The following SGIP1 variants were observed in gnomAD, a reference collection of about 807,000 sequenced individuals.
SGIP1 encodes the protein SH3GL interacting endocytic adaptor 1.
Under a neutral mutation model 107.5 loss-of-function variants are expected in SGIP1, and 38 were observed. The ratio of observed to expected loss-of-function variants is 0.35; its 90% CI spans 0.27 to 0.46. The LOEUF (loss-of-function observed/expected upper bound fraction) is 0.46, where lower values mean the gene tolerates loss of function less well. Ranked by LOEUF, SGIP1 falls within the 20% of genes least tolerant of loss-of-function variation. SGIP1 has a pLI of 1.00. For synonymous variants in SGIP1, 365 were observed against 366.1 expected, an observed-to-expected ratio of 1.00 and a Z score of 0.03; for missense variants, 929 against 1,019.5, an observed-to-expected ratio of 0.91 and a Z score of 1.21.
At chr1:66,713,037 T>C (rs1361155201) in intron 18 of SGIP1, among the ~76,000 whole-genome samples, 2 of 152,116 alleles carry the variant, frequency 1.3e-5, no homozygotes, top group Non-Finnish European at 2.9e-5. Flanking sequence ...GATAACTCTC[T>C]CCTGACTTCT....
chr1:66,561,505 G>C (rs2058943954), intron 1 of SGIP1, among the ~76,000 whole-genome samples: 1 of 151,980 alleles, frequency 6.6e-6, no homozygotes, highest in Non-Finnish European at 1.5e-5. Context: ...AGAAAATGAA[G>C]AGATATGTTT....
chr1:66,619,049 G>A (rs2070222550), intron 1 of SGIP1, among the ~76,000 whole-genome samples: 1 of 152,090 alleles, frequency 6.6e-6, no homozygotes, highest in South Asian at 2.1e-4. Context: ...CTATTAACTG[G>A]GTTCTACATA....
rs1459526257 is a variant in SGIP1, at chr1:66,604,852, A to G, written c.11-20995A>G. On this transcript the variant is annotated intron_variant, in intron 1 of 24. Transcript: ENST00000371037. The stretch of plus-strand genomic sequence containing the variant: ...TTCCGCTCCCTCAAGCCAACATCCA[A>G]TCATTCACTTAGTTTTTCCTACTTT... Among the ~76,000 whole-genome samples, 10 of 152,204 alleles carry G rather than the reference A, an allele frequency of 6.6e-5. No individual in the cohort carries two copies. The East Asian group carries it at 1.9e-3, about 29-fold the overall frequency.
chr1:66,655,940 A>T (rs181041519), intron 7 of SGIP1, among the ~76,000 whole-genome samples: 44 of 152,230 alleles, frequency 2.9e-4, no homozygotes, highest in African/African-American at 9.9e-4. Flanking sequence ...AAACTTCTAA[A>T]TTTTTTAAAA....
chr1:66,697,785 T>C (rs572953445), intron 18 of SGIP1, among the ~76,000 whole-genome samples: 1 of 152,308 alleles, frequency 6.6e-6, no homozygotes, highest in East Asian at 1.9e-4. Context: ...AATGGTGACA[T>C]TTTAATTTAC....
intron 17 of SGIP1, among the ~76,000 whole-genome samples, chr1:66,693,383 C>CAT (rs2090282907): frequency 6.6e-6 from 1 of 151,832 alleles, no homozygotes; most frequent in Non-Finnish European, 1.5e-5. Context: ...AGAGAAATTG[C>CAT]TTAAAGTTAT....
intron 7 of SGIP1, among the ~76,000 whole-genome samples, chr1:66,658,836 C>G (rs1248558434): frequency 6.6e-6 from 1 of 152,120 alleles, no homozygotes; most frequent in Admixed American, 6.5e-5. Flanking sequence ...ACAATCAAAC[C>G]AGAGAAGGGA....
At chr1:66,686,192 G>A (rs1208376476) in intron 15 of SGIP1, among the ~76,000 whole-genome samples, 12 of 152,154 alleles carry the variant, frequency 7.9e-5, no homozygotes, top group Admixed American at 6.5e-4. Flanking sequence ...TGGATTCCAC[G>A]GCCTGTGCCT....
intron 1 of SGIP1, among the ~76,000 whole-genome samples, chr1:66,594,743 T>C (rs2064283578): frequency 6.6e-6 from 1 of 152,160 alleles, no homozygotes; most frequent in Non-Finnish European, 1.5e-5. Context: ...GGCATCCCTC[T>C]CCTAGCTTGG....
chr1:66,673,476 C>T (rs1314233025), intron 12 of SGIP1, 110 bp downstream of exon 12: 29 of 1,011,122 alleles, frequency 2.9e-5, no homozygotes, highest in Middle Eastern at 2.8e-4. Context: ...ATATTATTTT[C>T]GTGGGAAAGA....
chr1:66,702,109 T>G (rs1367193428), intron 18 of SGIP1, among the ~76,000 whole-genome samples: 1 of 152,208 alleles, frequency 6.6e-6, no homozygotes, highest in Middle Eastern at 3.2e-3. Context: ...CTACTCCACA[T>G]GCACAAGCTC....
chr1:66,638,598 A>G (rs2076221829), intron 4 of SGIP1, among the ~76,000 whole-genome samples: 1 of 152,140 alleles, frequency 6.6e-6, no homozygotes, highest in African/African-American at 2.4e-5. Flanking sequence ...GAGGGGATGA[A>G]CACATTATCT....
In SGIP1 at chr1:66,700,566, T is replaced by C. The variant is rs182538540; in HGVS notation, c.1630+5073T>C. On this transcript the variant is annotated intron_variant, in intron 18 of 24. Transcript: ENST00000371037. ...TTCCCTTTTATTTTTAGATGACAGC[T>C]AATAATTGTCCTATTTATAGGATAC... Among the ~76,000 whole-genome samples, 212 of 152,268 alleles carry C rather than the reference T, an allele frequency of 1.4e-3. 2 individuals are homozygous for C. Among genetic ancestry groups the C allele is most frequent in the African/African-American group, 5.0e-3 (209 of 41,546 alleles).
At chr1:66,554,503 A>G (rs193297364) in intron 1 of SGIP1, among the ~76,000 whole-genome samples, 1 of 152,260 alleles carries the variant, frequency 6.6e-6, no homozygotes, top group Non-Finnish European at 1.5e-5. Context: ...AAAATTTTTG[A>G]GAGGTAACAT....
At chr1:66,642,947 A>G in intron 6 of SGIP1, 83 bp downstream of exon 6, 1 of 1,186,932 alleles carries the variant, frequency 8.4e-7, no homozygotes, top group Non-Finnish European at 1.2e-6. Flanking sequence ...CAAAAGTAAT[A>G]AAATAACCGA....
intron 1 of SGIP1, among the ~76,000 whole-genome samples, chr1:66,546,876 C>T (rs2056500797): frequency 6.6e-6 from 1 of 152,134 alleles, no homozygotes; most frequent in South Asian, 2.1e-4. Context: ...TTTGGAGTGT[C>T]CTTTCTGCAA....
intron 1 of SGIP1, among the ~76,000 whole-genome samples, chr1:66,600,373 A>T (rs2065556720): frequency 6.6e-6 from 1 of 152,042 alleles, no homozygotes; most frequent in Admixed American, 6.5e-5. Flanking sequence ...CCCCCCTCCT[A>T]GAAATGGAAG....
chr1:66,613,609 C>A (rs189205763), intron 1 of SGIP1, among the ~76,000 whole-genome samples: 2 of 152,182 alleles, frequency 1.3e-5, no homozygotes, highest in African/African-American at 2.4e-5. Context: ...GGATTACAGG[C>A]GTGAGCCACC....
intron 7 of SGIP1, among the ~76,000 whole-genome samples, chr1:66,654,591 G>A (rs1161138521): frequency 6.6e-6 from 1 of 152,018 alleles, no homozygotes; most frequent in African/African-American, 2.4e-5. Context: ...TTTTGTTTTA[G>A]TGGCAGCAGT....
Sources: gnomAD v4.1 joint callset for allele counts (sites outside exome capture counted in the v4.1 genomes callset) on GRCh38, gnomAD v4.1.1 for gene constraint, MANE v1.5 for transcripts, NCBI Gene and HGNC (gene_info 2026-07-23, HGNC 2026-07-21) for gene names.